ARHGAP35: variants seen among roughly 807,000 people sequenced by gnomAD.
ARHGAP35 encodes rho GTPase-activating protein 35.
A neutral mutation model predicts 111.1 loss-of-function variants in ARHGAP35; 15 were observed. The observed-to-expected ratio is 0.13, with a 90% confidence interval of 0.09 to 0.21. The LOEUF (loss-of-function observed/expected upper bound fraction) is 0.21. ARHGAP35 is among the 10% of genes least tolerant of loss of function. The pLI is 1.00. For missense variants in ARHGAP35, 1,262 were observed against 1,873.0 expected (o/e 0.67, Z 6.02); for synonymous variants, 643 against 710.3 (o/e 0.91, Z 1.51).
chr19:46,931,944 C>G (rs1293439573), intron 2 of ARHGAP35, among the ~76,000 whole-genome samples: 1 of 152,204 alleles, frequency 6.6e-6, no homozygotes, highest in African/African-American at 2.4e-5. Flanking sequence ...TGCCCAGCCA[C>G]TCCTAGGGAA....
chr19:46,999,287 GT>G lies in ARHGAP35; in HGVS notation c.4037-13del. ...CTCGGCCATGAAAGGCAAGGCTTTG[GT>G]TTTCTCTCTCCTCAGAAATCAACGA... On this transcript the variant is annotated splice_polypyrimidine_tract_variant and intron_variant, in intron 5 of 6. Transcript: ENST00000672722. The surrounding 1 kb of genome is among the most constrained non-coding windows in gnomAD (Gnocchi z 5.4). 1 of 1,551,530 alleles carries G rather than the reference GT, an allele frequency of 6.4e-7. No homozygotes were observed. The highest frequency in any genetic ancestry group is 1.2e-5 in the South Asian group (1 of 84,562).
At chr19:46,870,891 T>G (rs572634783) in intron 1 of ARHGAP35, among the ~76,000 whole-genome samples, 14 of 152,352 alleles carry the variant, frequency 9.2e-5, no homozygotes, top group African/African-American at 3.4e-4. Context: ...TACGTAAATC[T>G]TAAGTGTCCA....
rs928795683 is a variant in ARHGAP35, at chr19:46,993,771, C to T, written c.4036+4096C>T. ...AGAGGTGCAGCTCCCAGCCCACGCC[C>T]CCTGAGCAAGAGCAGAGCCACCTGG... On this transcript the variant is annotated intron_variant, in intron 5 of 6. Coordinates refer to ENST00000672722, the MANE Select transcript of ARHGAP35 (RefSeq NM_004491.5). The surrounding 1 kb of genome is among the most constrained non-coding windows in gnomAD (Gnocchi z 4.6). Among the ~76,000 whole-genome samples, 1 of 152,098 alleles carries T rather than the reference C, an allele frequency of 6.6e-6. No individual in the cohort carries two copies. Among genetic ancestry groups the T allele is most frequent in the Non-Finnish European group, 1.5e-5 (1 of 68,030 alleles).
At chr19:46,961,182 G>A (rs543717309) in intron 3 of ARHGAP35, among the ~76,000 whole-genome samples, 1 of 152,236 alleles carries the variant, frequency 6.6e-6, no homozygotes, top group Admixed American at 6.5e-5. Flanking sequence ...GGCATGAGCT[G>A]CCGCGCCCAG....
In ARHGAP35 at chr19:46,999,111, G is replaced by A. The variant is rs534988598; in HGVS notation, c.4037-193G>A. Reference sequence around the variant, plus strand: ...TTCAGCGGGGGCCTGGGACACAGAGGTGGGCCAGACCCCTGGGCCAGTGCC... The same window carrying A: ...TTCAGCGGGGGCCTGGGACACAGAGATGGGCCAGACCCCTGGGCCAGTGCC... On this transcript the variant is annotated intron_variant, in intron 5 of 6. Coordinates refer to ENST00000672722, the MANE Select transcript of ARHGAP35 (RefSeq NM_004491.5). The surrounding 1 kb of genome is among the most constrained non-coding windows in gnomAD (Gnocchi z 5.4). 3 of 578,834 alleles carry A rather than the reference G, an allele frequency of 5.2e-6. No individual in the cohort carries two copies. The highest frequency in any genetic ancestry group is 9.2e-6 in the Non-Finnish European group (3 of 325,508). 35.9% of individuals were successfully genotyped at this position (578,834 alleles called of 1,614,324 possible). A position where few individuals can be genotyped will look rare whatever the true frequency, so the allele number is the denominator to read the frequency against.
chr19:46,990,829 T>C (rs1304505676), intron 5 of ARHGAP35, among the ~76,000 whole-genome samples: 2 of 152,198 alleles, frequency 1.3e-5, no homozygotes, highest in East Asian at 1.9e-4. Context: ...AGAGCCTCAA[T>C]AGTGACAGGG....
At chr19:46,950,122 C>T (rs1047862480) in intron 3 of ARHGAP35, among the ~76,000 whole-genome samples, 3 of 152,118 alleles carry the variant, frequency 2.0e-5, no homozygotes, top group Admixed American at 1.3e-4. Flanking sequence ...AATACTTTTG[C>T]CTGCTTTTGT....
chr19:46,939,716 A>G (rs912693818), intron 3 of ARHGAP35, among the ~76,000 whole-genome samples: 11 of 151,960 alleles, frequency 7.2e-5, no homozygotes, highest in African/African-American at 2.4e-4. Flanking sequence ...CCCGGCCTGC[A>G]CCTTTACTTT....
At chr19:46,971,135 C>T (rs755974438) in intron 3 of ARHGAP35, among the ~76,000 whole-genome samples, 6 of 152,136 alleles carry the variant, frequency 3.9e-5, no homozygotes, top group Admixed American at 2.0e-4. Flanking sequence ...TGGCTGGGCG[C>T]GGTGACTGAC....
Position 46,862,643 on chromosome 19 carries a change from C to T in ARHGAP35, c.-189+1434C>T, listed in dbSNP as rs543085491. 3.9e-5 allele frequency among the ~76,000 whole-genome samples: 6 copies of T among 152,294 alleles called. No individual in the cohort carries two copies. The South Asian group carries it at 1.0e-3, about 26-fold the overall frequency. ...AGTGTTTCCCTCCCCAGCTCGGCTC[C>T]TTCGGAGCTGTCCACTTGCCCGCAT... On this transcript the variant is annotated intron_variant, in intron 1 of 6. Transcript: ENST00000672722.
intron 1 of ARHGAP35, among the ~76,000 whole-genome samples, chr19:46,869,679 T>G (rs1319457750): frequency 6.6e-6 from 1 of 152,164 alleles, no homozygotes; most frequent in Non-Finnish European, 1.5e-5. Context: ...AAGAGTTCTT[T>G]GTTCAGTAAC....
chr19:46,877,858 C>T (rs892183193), intron 1 of ARHGAP35, among the ~76,000 whole-genome samples: 4 of 151,910 alleles, frequency 2.6e-5, no homozygotes, highest in Non-Finnish European at 5.9e-5. Flanking sequence ...AGGCGCCTGC[C>T]ACCGCGCCTG....
intron 1 of ARHGAP35, among the ~76,000 whole-genome samples, chr19:46,880,794 G>C (rs2122134625): frequency 6.6e-6 from 1 of 152,036 alleles, no homozygotes; most frequent in East Asian, 1.9e-4. Flanking sequence ...TCCTGCCTCA[G>C]CCTACCGAGT....
intron 2 of ARHGAP35, among the ~76,000 whole-genome samples, chr19:46,927,608 G>C (rs894211170): frequency 1.3e-5 from 2 of 152,218 alleles, no homozygotes; most frequent in Non-Finnish European, 2.9e-5. Context: ...TGGCTACCAC[G>C]TGAAGGGTTT....
At chr19:46,867,224 T>A (rs1172583591) in intron 1 of ARHGAP35, among the ~76,000 whole-genome samples, 2 of 152,212 alleles carry the variant, frequency 1.3e-5, no homozygotes, top group Non-Finnish European at 2.9e-5. Flanking sequence ...GACTTGCCTA[T>A]CTCTCTCATC....
At chr19:46,924,513 A>G (rs974097563) in intron 2 of ARHGAP35, among the ~76,000 whole-genome samples, 5 of 152,038 alleles carry the variant, frequency 3.3e-5, no homozygotes, top group Non-Finnish European at 5.9e-5. Flanking sequence ...CTCCTGTCTG[A>G]TTTTCCTTTG....
At chr19:46,877,451 C>T (rs1200137794) in intron 1 of ARHGAP35, among the ~76,000 whole-genome samples, 1 of 151,840 alleles carries the variant, frequency 6.6e-6, no homozygotes, top group Non-Finnish European at 1.5e-5. Flanking sequence ...TAATCCCCAG[C>T]TACTCAGAAG....
At chr19:46,912,537 T>A (rs144506817) in intron 1 of ARHGAP35, among the ~76,000 whole-genome samples, 1,832 of 151,930 alleles carry the variant, frequency 0.012, 16 homozygotes, top group Middle Eastern at 0.02. Flanking sequence ...GTATTTTTTT[T>A]AGTAGAGACA....
Position 46,988,128 on chromosome 19 carries a change from C to CGGT in ARHGAP35, c.3904+64_3904+66dup. On this transcript the variant is annotated intron_variant, in intron 4 of 6. Coordinates refer to ENST00000672722, the MANE Select transcript of ARHGAP35 (RefSeq NM_004491.5). This position sits in a 1 kb window ranked among gnomAD's most constrained non-coding sequence, Gnocchi z 5.4. ...CTGGTCAAGGCAGACACAGCTGCCT[C>CGGT]GGTGAACTGTCTGTGGGGCTTCGGA... 6.7e-7 allele frequency: 1 copy of CGGT among 1,491,692 alleles called. No individual in the cohort carries two copies. Among genetic ancestry groups the CGGT allele is most frequent in the Non-Finnish European group, 9.3e-7 (1 of 1,080,546 alleles). The allele number at this position is 1,491,692 out of a possible 1,614,324, so 92.4% of individuals were successfully genotyped here.
Sources: gnomAD v4.1 joint callset for allele counts (sites outside exome capture counted in the v4.1 genomes callset) on GRCh38, gnomAD v4.1.1 for gene constraint, Gnocchi (gnomAD v3.1) non-coding constraint, MANE v1.5 for transcripts, NCBI Gene and HGNC (gene_info 2026-07-23, HGNC 2026-07-21) for gene names.